The following ADK variants were observed in gnomAD, a reference collection of about 807,000 sequenced individuals.
ADK encodes the protein adenosine kinase.
A neutral mutation model predicts 44.7 loss-of-function variants in ADK; 24 were observed. The ratio of observed to expected loss-of-function variants is 0.54; its 90% CI spans 0.39 to 0.76. ADK has a LOEUF of 0.76. ADK is among the 30% of genes least tolerant of loss of function. The pLI is 0.00. For missense variants in ADK, 321 were observed against 425.1 expected, an observed-to-expected ratio of 0.76 and a Z score of 2.15; for synonymous variants, 128 against 142.6, an observed-to-expected ratio of 0.90 and a Z score of 0.73.
At chr10:74,478,594 GT>G (rs1159928859) in intron 6 of ADK, among the ~76,000 whole-genome samples, 1 of 152,078 alleles carries the variant, frequency 6.6e-6, no homozygotes, top group East Asian at 1.9e-4. Flanking sequence ...GTAACTCTCA[GT>G]TCCTTATCTA....
chr10:74,285,909 T>C (rs1847145002), intron 3 of ADK, among the ~76,000 whole-genome samples: 1 of 152,206 alleles, frequency 6.6e-6, no homozygotes, highest in Non-Finnish European at 1.5e-5. Flanking sequence ...TGTACTGTAC[T>C]ATGTATTATT....
In ADK at chr10:74,406,523, TAATAAGAAGAAGAAG is replaced by T. The variant is rs1394775308; in HGVS notation, c.555+7947_555+7961del. Among the ~76,000 whole-genome samples the T allele has an allele frequency of 2.5e-3, 142 of 56,114 alleles. 1 individual carries two copies. The highest frequency in any genetic ancestry group is 0.032 in the Middle Eastern group (2 of 62). 36.8% of individuals were successfully genotyped at this position (56,114 alleles called of 152,430 possible). On this transcript the variant is annotated intron_variant, in intron 6 of 10. Coordinates refer to ENST00000539909, the MANE Select transcript of ADK (RefSeq NM_006721.4). The stretch of plus-strand genomic sequence containing the variant: ...CCGATTAAAATAATAATAATAATAA[TAATAAGAAGAAGAAG>T]AAGAAGAAGAAGAAGAAGAAGAAGA...
At chr10:74,325,867 CTTTT>C in intron 4 of ADK, among the ~76,000 whole-genome samples, 2 of 146,304 alleles carry the variant, frequency 1.4e-5, no homozygotes, top group South Asian at 4.3e-4. Flanking sequence ...TTTTTTTTTT[CTTTT>C]TTAAGACAGA....
intron 6 of ADK, among the ~76,000 whole-genome samples, chr10:74,458,999 G>T (rs543619752): frequency 1.3e-5 from 2 of 152,116 alleles, no homozygotes; most frequent in East Asian, 3.9e-4. Context: ...AAAAATTTTG[G>T]CCAGGCACGG....
At chr10:74,544,137 G>A (rs965556675) in intron 7 of ADK, among the ~76,000 whole-genome samples, 2 of 152,100 alleles carry the variant, frequency 1.3e-5, no homozygotes, top group Admixed American at 6.5e-5. Context: ...GTGATCTTGT[G>A]TATATAATTA....
intron 3 of ADK, among the ~76,000 whole-genome samples, chr10:74,248,810 T>C (rs1015757378): frequency 1.3e-5 from 2 of 152,252 alleles, no homozygotes; most frequent in Non-Finnish European, 2.9e-5. Context: ...CCATGATCAC[T>C]GACATCAATT....
At chr10:74,244,173 A>ATAG (rs1845329344) in intron 3 of ADK, among the ~76,000 whole-genome samples, 1 of 152,246 alleles carries the variant, frequency 6.6e-6, no homozygotes, top group South Asian at 2.1e-4. Context: ...TTCACTATTT[A>ATAG]TAGTACTTTA....
rs1844455477 is a variant in ADK at position 74,224,552 on chromosome 10, C to T, written c.155C>T (p.Pro52Leu). The T allele has an allele frequency of 6.2e-6, 10 of 1,613,484 alleles. No homozygotes were observed. Among genetic ancestry groups the T allele is most frequent in the Non-Finnish European group, 8.5e-6 (10 of 1,179,660 alleles). Residue 52 changes from proline (P) to leucine (L), a missense_variant, in exon 3 of 11, where the codon CCA becomes CTA. Physicochemically the swap from Pro to Leu is moderately conservative, Grantham distance 98 (BLOSUM62 -3). Coordinates refer to ENST00000539909, the MANE Select transcript of ADK (RefSeq NM_006721.4). ...CTGTTATACAGGTATTCTCTGAAAC[C>T]AAATGACCAAATCTTGGCTGAAGAC... Reference protein sequence around the residue: ...KDFLDKYSLKPNDQILAEDKH... With the variant: ...KDFLDKYSLKLNDQILAEDKH...
chr10:74,196,396 T>A (rs2132135618), intron 1 of ADK, among the ~76,000 whole-genome samples: 1 of 152,100 alleles, frequency 6.6e-6, no homozygotes, highest in East Asian at 1.9e-4. Context: ...AGAAATTAGC[T>A]GGGCATAGTG....
At chr10:74,598,598 G>A (rs757473269) in intron 8 of ADK, among the ~76,000 whole-genome samples, 57 of 151,568 alleles carry the variant, frequency 3.8e-4, no homozygotes, top group Non-Finnish European at 3.8e-4. Context: ...CTACAGACAC[G>A]TGCCACCATG....
chr10:74,402,116 T>C (rs1377544898), intron 6 of ADK, among the ~76,000 whole-genome samples: 1 of 152,226 alleles, frequency 6.6e-6, no homozygotes, highest in African/African-American at 2.4e-5. Context: ...TCTGCTGTTA[T>C]TCTGATGGGC....
chr10:74,621,279 T>C (rs1310876318), intron 9 of ADK, among the ~76,000 whole-genome samples: 1 of 152,208 alleles, frequency 6.6e-6, no homozygotes, highest in Non-Finnish European at 1.5e-5. Context: ...CTTATGCATA[T>C]GACTAGATGC....
At chr10:74,595,720 T>C (rs1385881015) in intron 8 of ADK, among the ~76,000 whole-genome samples, 5 of 40 alleles carry the variant, frequency 0.12, no homozygotes, top group South Asian at 0.25. Context: ...TATGGCCGGG[T>C]GTGGTGGCTC....
intron 9 of ADK, among the ~76,000 whole-genome samples, chr10:74,658,644 G>T (rs1010724617): frequency 6.6e-6 from 1 of 151,864 alleles, no homozygotes; most frequent in Non-Finnish European, 1.5e-5. Context: ...GTGCAGGCTG[G>T]TCTCAAACTC....
chr10:74,673,454 C>T (rs1855257965), intron 10 of ADK, among the ~76,000 whole-genome samples: 1 of 152,150 alleles, frequency 6.6e-6, no homozygotes, highest in Non-Finnish European at 1.5e-5. Flanking sequence ...TCACTCGCTT[C>T]TCCACTGCTC....
chr10:74,665,786 A>G lies in ADK; in HGVS notation c.878-4397A>G, dbSNP rs1282842488. 2.6e-5 allele frequency among the ~76,000 whole-genome samples: 4 copies of G among 151,042 alleles called. No homozygotes were observed. The East Asian group carries it at 5.9e-4, about 22-fold the overall frequency. ...GAGAGAGAGAGAGAGAGAGAGACAGACAGACAGAAGGAAAATGAAGAAAGG... is the reference window on the plus strand; with the variant it reads ...GAGAGAGAGAGAGAGAGAGAGACAGGCAGACAGAAGGAAAATGAAGAAAGG... On this transcript the variant is annotated intron_variant, in intron 9 of 10. Coordinates refer to ENST00000539909, the MANE Select transcript of ADK (RefSeq NM_006721.4).
At chr10:74,204,927 T>C (rs113312284) in intron 2 of ADK, among the ~76,000 whole-genome samples, 4,814 of 150,910 alleles carry the variant, frequency 0.032, 271 homozygotes, top group African/African-American at 0.11. Flanking sequence ...GTAGTCCCAG[T>C]TACTCGGGTG....
intron 3 of ADK, among the ~76,000 whole-genome samples, chr10:74,253,258 A>AAT (rs1845713558): frequency 6.6e-6 from 1 of 152,262 alleles, no homozygotes; most frequent in African/African-American, 2.4e-5. Flanking sequence ...AGAGAGTAGC[A>AAT]GTTCAGGGCA....
Position 74,589,309 on chromosome 10 carries a change from G to A in ADK, c.754G>A (p.Gly252Ser). 2.5e-6 allele frequency: 4 copies of A among 1,613,496 alleles called. No individual in the cohort carries two copies. The highest frequency in any genetic ancestry group is 3.4e-6 in the Non-Finnish European group (4 of 1,179,774). The change falls in exon 8 of 11, where the codon GGC becomes AGC. Residue 252 changes from glycine (G) to serine (S), a missense_variant. Coordinates refer to ENST00000539909, the MANE Select transcript of ADK (RefSeq NM_006721.4). Reference sequence around the variant, plus strand: ...AGCTGCCACTTTTGCTAGAGAGCAAGGCTTTGAGGTGAGTTAACCCACAAT... The same window carrying A: ...AGCTGCCACTTTTGCTAGAGAGCAAAGCTTTGAGGTGAGTTAACCCACAAT... Reference protein sequence around the residue: ...TEAATFAREQGFETKDIKEIA... With the variant: ...TEAATFAREQSFETKDIKEIA...
Sources: allele counts gnomAD v4.1 joint callset (sites outside exome capture counted in the v4.1 genomes callset), GRCh38; gene constraint gnomAD v4.1.1; transcripts MANE v1.5; gene names NCBI Gene and HGNC (gene_info 2026-07-23, HGNC 2026-07-21).